The following LGR6 variants were observed in gnomAD, a reference collection of about 807,000 sequenced individuals.
LGR6 encodes leucine-rich repeat-containing G protein-coupled receptor 6.
LGR6 carries 45 observed loss-of-function variants against 69.4 expected under a neutral mutation model. That is an observed-to-expected ratio of 0.65 (90% CI 0.51 to 0.83). LGR6 has a LOEUF of 0.83. Among genes scored for constraint, LGR6 ranks in the 40% least tolerant of loss-of-function variants. LGR6 has a pLI of 0.00. For missense variants in LGR6, 1,108 were observed against 1,246.7 expected (o/e 0.89, Z 1.68); for synonymous variants, 538 against 555.0 (o/e 0.97, Z 0.43).
chr1:202,249,820 T>C (rs1663078370), intron 4 of LGR6, among the ~76,000 whole-genome samples: 1 of 152,186 alleles, frequency 6.6e-6, no homozygotes, highest in Non-Finnish European at 1.5e-5. Flanking sequence ...CCTGGGCTGC[T>C]GTAACAGCCT....
At chr1:202,223,836 C>T (rs1445998253) in intron 1 of LGR6, among the ~76,000 whole-genome samples, 1 of 13,700 alleles carries the variant, frequency 7.3e-5, no homozygotes, top group African/African-American at 3.3e-4. Context: ...TGTCCCAGCC[C>T]CACAGGCCTG....
intron 7 of LGR6, 74 bp from the exon 8 acceptor site, chr1:202,300,775 C>G (rs1336090293): frequency 1.6e-5 from 17 of 1,059,250 alleles, no homozygotes; most frequent in Non-Finnish European, 2.4e-5. Flanking sequence ...GTCCAAAAGC[C>G]CTGTGGAATT....
intron 1 of LGR6, among the ~76,000 whole-genome samples, chr1:202,216,705 TC>T (rs1381653266): frequency 6.6e-6 from 1 of 152,218 alleles, no homozygotes; most frequent in African/African-American, 2.4e-5. Context: ...TCTGTCATAC[TC>T]CTGGGCTGTT....
chr1:202,220,989 C>T (rs1442277261), intron 1 of LGR6, among the ~76,000 whole-genome samples: 1 of 152,090 alleles, frequency 6.6e-6, no homozygotes, highest in Non-Finnish European at 1.5e-5. Flanking sequence ...AGTCATATGC[C>T]TTAAATCTAT....
intron 1 of LGR6, among the ~76,000 whole-genome samples, chr1:202,223,494 T>C (rs1023577343): frequency 3.3e-5 from 5 of 151,978 alleles, no homozygotes; most frequent in Non-Finnish European, 5.9e-5. Flanking sequence ...ATGCAGACAC[T>C]GAGGTTTGAG....
intron 9 of LGR6, among the ~76,000 whole-genome samples, chr1:202,302,254 C>T (rs185619583): frequency 1.3e-5 from 2 of 152,284 alleles, no homozygotes; most frequent in South Asian, 2.1e-4. Flanking sequence ...ACGTTCATTA[C>T]GGCATTTCAT....
intron 3 of LGR6, among the ~76,000 whole-genome samples, chr1:202,230,490 G>C (rs932083686): frequency 2.6e-5 from 4 of 152,170 alleles, no homozygotes; most frequent in African/African-American, 9.7e-5. Context: ...CAGCACTGGA[G>C]CTGTGCTAAG....
At chr1:202,306,056 G>C (rs1354231360) in intron 12 of LGR6, among the ~76,000 whole-genome samples, 1 of 152,114 alleles carries the variant, frequency 6.6e-6, no homozygotes, top group Non-Finnish European at 1.5e-5. Flanking sequence ...GGAGGGACAG[G>C]GTCACATCAG....
chr1:202,219,835 A>C (rs1426432179), intron 1 of LGR6, among the ~76,000 whole-genome samples: 1 of 152,214 alleles, frequency 6.6e-6, no homozygotes, highest in Non-Finnish European at 1.5e-5. Flanking sequence ...AATATTAATA[A>C]TAAGGCATAG....
At chr1:202,282,735 T>G (rs1224009346) in intron 6 of LGR6, among the ~76,000 whole-genome samples, 1 of 152,220 alleles carries the variant, frequency 6.6e-6, no homozygotes, top group African/African-American at 2.4e-5. Flanking sequence ...TTCTTCACTT[T>G]TGGGGCACAC....
rs1572005307 is a variant in LGR6, at chr1:202,304,549, C to T, written c.999-10C>T. ...GCCTGGTGCCAGCTCTGTCTCTGTT[C>T]TCCCTGCAGGACCCTGACCCGCGCA... On this transcript the variant is annotated splice_polypyrimidine_tract_variant and intron_variant, in intron 10 of 17. Coordinates refer to ENST00000367278, the MANE Select transcript of LGR6 (RefSeq NM_001017403.2). 6.3e-7 allele frequency: 1 copy of T among 1,594,188 alleles called. No individual in the cohort carries two copies. Among genetic ancestry groups the T allele is most frequent in the Non-Finnish European group, 8.6e-7 (1 of 1,165,118 alleles).
chr1:202,248,409 C>T (rs964763339), intron 4 of LGR6, among the ~76,000 whole-genome samples: 7 of 152,204 alleles, frequency 4.6e-5, no homozygotes, highest in African/African-American at 1.7e-4. Context: ...CCACTGCAAC[C>T]AGATGGCTCT....
chr1:202,280,080 C>T (rs534734271), intron 5 of LGR6, among the ~76,000 whole-genome samples: 3 of 152,272 alleles, frequency 2.0e-5, no homozygotes, highest in African/African-American at 4.8e-5. Flanking sequence ...CTTTCTGTTT[C>T]CCTGTTGTAT....
intron 1 of LGR6, among the ~76,000 whole-genome samples, chr1:202,206,237 C>G (rs945962649): frequency 6.6e-6 from 1 of 152,148 alleles, no homozygotes; most frequent in African/African-American, 2.4e-5. Flanking sequence ...TGGGAGGAGA[C>G]GAGAAAGGAA....
intron 1 of LGR6, among the ~76,000 whole-genome samples, chr1:202,216,045 G>A (rs4950835): frequency 0.08 from 12,206 of 152,208 alleles, 651 homozygotes; most frequent in African/African-American, 0.13. Flanking sequence ...GCTCTTTGAG[G>A]ACAGGGAGCA....
At chr1:202,251,704 C>T (rs923522474) in intron 4 of LGR6, among the ~76,000 whole-genome samples, 1 of 152,220 alleles carries the variant, frequency 6.6e-6, no homozygotes, top group African/African-American at 2.4e-5. Flanking sequence ...CCCCCAGCCC[C>T]AGGCCAGCAT....
intron 1 of LGR6, among the ~76,000 whole-genome samples, chr1:202,205,192 G>A (rs373727592): frequency 6.5e-3 from 6 of 922 alleles, no homozygotes; most frequent in Admixed American, 0.016. Context: ...ACACACCCTC[G>A]AAACACATGT....
chr1:202,278,832 C>T (rs1016455619), intron 5 of LGR6, among the ~76,000 whole-genome samples: 2 of 152,198 alleles, frequency 1.3e-5, no homozygotes, highest in South Asian at 4.1e-4. Context: ...CTTTCATCAT[C>T]GGGCTGCTCT....
At chr1:202,229,048 A>G (rs548919637) in intron 3 of LGR6, among the ~76,000 whole-genome samples, 5 of 152,102 alleles carry the variant, frequency 3.3e-5, no homozygotes, top group Non-Finnish European at 5.9e-5. Flanking sequence ...CCAGAAAGCG[A>G]TATCTTTTAA....
Sources: allele counts gnomAD v4.1 joint callset (sites outside exome capture counted in the v4.1 genomes callset), GRCh38; gene constraint gnomAD v4.1.1; transcripts MANE v1.5; gene names NCBI Gene and HGNC (gene_info 2026-07-23, HGNC 2026-07-21).